The following IL1RAPL2 variants were observed in gnomAD, a reference collection of about 807,000 sequenced individuals.
The protein encoded by IL1RAPL2 is interleukin 1 receptor accessory protein like 2.
IL1RAPL2 carries 3 observed loss-of-function variants against 44.1 expected under a neutral mutation model. That is an observed-to-expected ratio of 0.07 (90% confidence interval 0.03 to 0.18). The LOEUF (loss-of-function observed/expected upper bound fraction) is 0.18, where lower values mean the gene tolerates loss of function less well. Ranked by LOEUF, IL1RAPL2 falls within the 10% of genes least tolerant of loss-of-function variation. The pLI is 1.00. For missense variants in IL1RAPL2, 391 were observed against 496.4 expected, an observed-to-expected ratio of 0.79 and a Z score of 2.02; for synonymous variants, 181 against 178.8, an observed-to-expected ratio of 1.01 and a Z score of -0.10.
At chrX:105,628,444 A>C (rs1687381478) in intron 6 of IL1RAPL2, among the ~76,000 whole-genome samples, 1 of 112,136 alleles carries the variant, frequency 8.9e-6, no homozygotes, top group Non-Finnish European at 1.9e-5. Flanking sequence ...TTTACAAAAA[A>C]AAATTGTAAA....
At chrX:105,447,090 TATATATATATATATATAAAA>T (rs1241192546) in intron 5 of IL1RAPL2, among the ~76,000 whole-genome samples, 2 of 57,466 alleles carry the variant, frequency 3.5e-5, no homozygotes, top group Non-Finnish European at 5.4e-5. Flanking sequence ...TATATATATA[TATATATATATATATATAAAA>T]ATATATATAA....
intron 2 of IL1RAPL2, among the ~76,000 whole-genome samples, chrX:104,673,271 TG>T (rs1217491112): frequency 8.9e-6 from 1 of 111,792 alleles, no homozygotes; most frequent in African/African-American, 3.3e-5. Context: ...AACTGATTTT[TG>T]TATAAGGTGT....
At chrX:104,967,666 A>T (rs772429695) in intron 2 of IL1RAPL2, among the ~76,000 whole-genome samples, 27 of 111,347 alleles carry the variant, frequency 2.4e-4, no homozygotes, top group Non-Finnish European at 4.2e-4. Flanking sequence ...GTGTACATAC[A>T]TGAGAAGAAG....
intron 2 of IL1RAPL2, among the ~76,000 whole-genome samples, chrX:104,684,769 T>C: frequency 8.9e-6 from 1 of 112,351 alleles, no homozygotes; most frequent in Non-Finnish European, 1.9e-5. Context: ...CCAAAAATTA[T>C]TTGGTTTTGC....
At chrX:105,640,651 T>C (rs2037557197) in intron 6 of IL1RAPL2, among the ~76,000 whole-genome samples, 1 of 56,004 alleles carries the variant, frequency 1.8e-5, no homozygotes, top group African/African-American at 8.3e-5. Flanking sequence ...TATGTATGTG[T>C]GTGTATATAT....
intron 6 of IL1RAPL2, among the ~76,000 whole-genome samples, chrX:105,701,652 C>A (rs1326347045): frequency 1.8e-5 from 2 of 111,248 alleles, no homozygotes; most frequent in African/African-American, 6.5e-5. Context: ...GCAATTGTTA[C>A]TTTTTAGCTC....
At chrX:105,352,122 G>A (rs2035160561) in intron 5 of IL1RAPL2, among the ~76,000 whole-genome samples, 1 of 110,300 alleles carries the variant, frequency 9.1e-6, no homozygotes, top group Non-Finnish European at 1.9e-5. Flanking sequence ...TAGAGACAGG[G>A]TTTTGCCATG....
At chrX:105,754,476 G>T (rs1045634091) in intron 9 of IL1RAPL2, among the ~76,000 whole-genome samples, 3 of 112,514 alleles carry the variant, frequency 2.7e-5, no homozygotes, top group Non-Finnish European at 5.6e-5. Context: ...TGTGTGGAGG[G>T]AAAATCTAAT....
chrX:105,595,385 A>G (rs2037200748), intron 6 of IL1RAPL2, among the ~76,000 whole-genome samples: 1 of 111,860 alleles, frequency 8.9e-6, no homozygotes, highest in African/African-American at 3.3e-5. Context: ...AAACTTTAAT[A>G]TACTAATGAT....
At chrX:105,255,913 T>C (rs1265177868) in intron 4 of IL1RAPL2, among the ~76,000 whole-genome samples, 2 of 112,310 alleles carry the variant, frequency 1.8e-5, no homozygotes, top group African/African-American at 6.5e-5. Context: ...GAGATAATCA[T>C]GTGGTTTTTG....
chrX:105,460,524 T>C (rs1191004243), intron 5 of IL1RAPL2, among the ~76,000 whole-genome samples: 1 of 110,825 alleles, frequency 9.0e-6, no homozygotes, highest in Non-Finnish European at 1.9e-5. Flanking sequence ...TATGGAGTAT[T>C]AATCACATAA....
chrX:105,179,608 C>A (rs1205821121), intron 2 of IL1RAPL2, among the ~76,000 whole-genome samples: 15 of 111,741 alleles, frequency 1.3e-4, no homozygotes, highest in African/African-American at 4.9e-4. Flanking sequence ...GATATTAATT[C>A]TTCTGATCCA....
At chrX:105,527,435 G>GTT (rs1446915049) in intron 6 of IL1RAPL2, among the ~76,000 whole-genome samples, 7 of 75,256 alleles carry the variant, frequency 9.3e-5, no homozygotes, top group Non-Finnish European at 1.7e-4. Context: ...GTGAGAGTGT[G>GTT]TTGTGTGTGT....
At chrX:105,706,272 A>G (rs2038164811) in intron 6 of IL1RAPL2, among the ~76,000 whole-genome samples, 2 of 111,926 alleles carry the variant, frequency 1.8e-5, no homozygotes, top group African/African-American at 3.2e-5. Flanking sequence ...TTGCTTAACA[A>G]TTTTCCCACT....
chrX:105,713,301 A>T (rs1374489360), intron 6 of IL1RAPL2, among the ~76,000 whole-genome samples: 1 of 110,630 alleles, frequency 9.0e-6, no homozygotes, highest in Non-Finnish European at 1.9e-5. Flanking sequence ...TGAGGGTTCC[A>T]CTCCTACAGC....
intron 6 of IL1RAPL2, among the ~76,000 whole-genome samples, chrX:105,619,974 A>C (rs2037407910): frequency 9.0e-6 from 1 of 110,915 alleles, no homozygotes; most frequent in African/African-American, 3.3e-5. Context: ...AATCTGTATG[A>C]GGACATGGGA....
At chrX:104,715,851 C>T (rs1931554710) in intron 2 of IL1RAPL2, among the ~76,000 whole-genome samples, 1 of 110,406 alleles carries the variant, frequency 9.1e-6, no homozygotes, top group Admixed American at 9.7e-5. Flanking sequence ...GTTAAAATGG[C>T]CATACTACCC....
At chrX:105,330,859 T>C (rs1023167935) in intron 5 of IL1RAPL2, among the ~76,000 whole-genome samples, 2 of 111,199 alleles carry the variant, frequency 1.8e-5, no homozygotes, top group African/African-American at 6.5e-5. Flanking sequence ...CCCTGTACTA[T>C]CTCCCCTTTC....
intron 2 of IL1RAPL2, among the ~76,000 whole-genome samples, chrX:104,711,002 G>A (rs1174438799): frequency 9.0e-6 from 1 of 111,543 alleles, no homozygotes; most frequent in Non-Finnish European, 1.9e-5. Context: ...ACAGCCTCAG[G>A]TGGGTCCTTC....
Sources: gnomAD v4.1 joint callset for allele counts (sites outside exome capture counted in the v4.1 genomes callset) on GRCh38, gnomAD v4.1.1 for gene constraint, MANE v1.5 for transcripts, NCBI Gene and HGNC (gene_info 2026-07-23, HGNC 2026-07-21) for gene names.